The following GARNL3 variants were observed in gnomAD, a reference collection of about 807,000 sequenced individuals.
GARNL3 encodes GTPase activating Rap/RanGAP domain like 3.
GARNL3 carries 63 observed loss-of-function variants against 125.0 expected under a neutral mutation model. That is an observed-to-expected ratio of 0.50 (90% confidence interval 0.41 to 0.62). The LOEUF (loss-of-function observed/expected upper bound fraction) is 0.62, where lower values mean the gene tolerates loss of function less well. Ranked by LOEUF, GARNL3 falls within the 20% of genes least tolerant of loss-of-function variation. The probability of loss-of-function intolerance (pLI) is 0.00; values close to 1 mark genes in which losing one functional copy is unlikely to be tolerated. For synonymous variants in GARNL3, 439 were observed against 457.5 expected (o/e 0.96, Z 0.52); for missense variants, 994 against 1,244.0 (o/e 0.80, Z 3.02).
chr9:127,308,295 T>G (rs1404805983), intron 2 of GARNL3, among the ~76,000 whole-genome samples: 1 of 152,090 alleles, frequency 6.6e-6, no homozygotes, highest in African/African-American at 2.4e-5. Flanking sequence ...TGGGGAAATA[T>G]CAGACAAACC....
At chr9:127,383,014 C>A (rs758667958) in intron 22 of GARNL3, among the ~76,000 whole-genome samples, 2 of 152,194 alleles carry the variant, frequency 1.3e-5, no homozygotes, top group Non-Finnish European at 2.9e-5. Flanking sequence ...ATTCAGCACA[C>A]GGGCTCTGCA....
At chr9:127,310,484 A>G (rs1022185175) in intron 2 of GARNL3, among the ~76,000 whole-genome samples, 1 of 152,198 alleles carries the variant, frequency 6.6e-6, no homozygotes. Context: ...AAAAGCTTCA[A>G]TCTAAATGTT....
rs1247596078 is a variant in GARNL3, at chr9:127,384,789, G to A, written c.2270-238G>A. Among the ~76,000 whole-genome samples the A allele has an allele frequency of 6.6e-6, 1 of 152,216 alleles. No homozygotes were observed. Among genetic ancestry groups the A allele is most frequent in the Non-Finnish European group, 1.5e-5 (1 of 68,038 alleles). ...TTTCCATGGGGGAAAATGGCAGCAA[G>A]CATGGTGACAGTGCACACCTCCTGG... On this transcript the variant is annotated intron_variant, in intron 23 of 27. Coordinates refer to ENST00000373387, the MANE Select transcript of GARNL3 (RefSeq NM_032293.5). This position sits in a 1 kb window ranked among gnomAD's most constrained non-coding sequence, Gnocchi z 4.0.
rs762212383 is a variant in GARNL3 at position 127,365,378 on chromosome 9, A to T, written c.2161+12A>T. The T allele has an allele frequency of 3.8e-6, 6 of 1,596,248 alleles. No homozygotes were observed. The Admixed American group carries it at 1.0e-4, about 27-fold the overall frequency. On this transcript the variant is annotated intron_variant, in intron 22 of 27. Transcript: ENST00000373387. ...GTTGTGTTACAACTGTAAGTTAAGG[A>T]TGTGCTTTTATCTTTATTTGCTTAA...
At chr9:127,227,960 A>G in intron 1 of GARNL3, among the ~76,000 whole-genome samples, 1 of 152,206 alleles carries the variant, frequency 6.6e-6, no homozygotes, top group East Asian at 1.9e-4. Context: ...GTGAGAAGAA[A>G]TCTGAAAAAT....
At position 127,389,103 on chromosome 9, in the gene GARNL3, C is replaced by T. The variant is rs1356078153; in HGVS notation, c.2727C>T (p.Thr909=). ...RMEIKEIASR[T]RRELLGLSDE... ...AGATCAAAGAAATAGCAAGCAGGAC[C>T]CGCAGGGAACTACTGGGTAATGGTT... is the stretch of plus-strand genomic sequence containing the variant. Residue 909 remains threonine, a synonymous_variant, in exon 26 of 28, where the codon ACC becomes ACT. Coordinates refer to ENST00000373387, the MANE Select transcript of GARNL3 (RefSeq NM_032293.5). 1.9e-6 allele frequency: 3 copies of T among 1,613,166 alleles called. No individual in the cohort carries two copies. The highest frequency in any genetic ancestry group is 1.3e-5 in the African/African-American group (1 of 74,886).
intron 16 of GARNL3, among the ~76,000 whole-genome samples, chr9:127,345,784 C>T (rs1409032239): frequency 6.6e-6 from 1 of 152,244 alleles, no homozygotes; most frequent in Admixed American, 6.5e-5. Context: ...ACACCTTGAC[C>T]AAATGCGTGT....
At chr9:127,365,102 T>A (rs1831212505) in intron 21 of GARNL3, 198 bp from the exon 22 acceptor site, 3 of 514,420 alleles carry the variant, frequency 5.8e-6, no homozygotes, top group Non-Finnish European at 1.0e-5. Flanking sequence ...CTTTTTTTTC[T>A]TTTCTTTTCT....
upstream of GARNL3, among the ~76,000 whole-genome samples, chr9:127,262,722 C>G (rs1048131184): frequency 2.0e-5 from 3 of 152,216 alleles, no homozygotes; most frequent in Non-Finnish European, 4.4e-5. Flanking sequence ...GAGGTGCTGT[C>G]AGGCATTAGC....
chr9:127,279,679 T>C (rs2131326428), intron 1 of GARNL3, among the ~76,000 whole-genome samples: 1 of 152,344 alleles, frequency 6.6e-6, no homozygotes, highest in East Asian at 1.9e-4. Flanking sequence ...GGTTTCATAG[T>C]AAAGATGGTT....
At chr9:127,375,401 G>A (rs978727039) in intron 22 of GARNL3, among the ~76,000 whole-genome samples, 2 of 151,760 alleles carry the variant, frequency 1.3e-5, no homozygotes, top group African/African-American at 4.8e-5. Flanking sequence ...GGGAGGCAGA[G>A]GTTGCAGTGA....
upstream of GARNL3, among the ~76,000 whole-genome samples, chr9:127,263,167 G>T (rs968805539): frequency 6.6e-6 from 1 of 152,214 alleles, no homozygotes; most frequent in Non-Finnish European, 1.5e-5. Context: ...TCTAAGGAAG[G>T]TGGTGGGTCT....
intron 22 of GARNL3, among the ~76,000 whole-genome samples, chr9:127,367,969 A>G (rs1022284189): frequency 1.0e-5 from 1 of 98,368 alleles, no homozygotes; most frequent in Non-Finnish European, 2.3e-5. Flanking sequence ...TCATCAGAGT[A>G]TTTATTCAGA....
intron 2 of GARNL3, among the ~76,000 whole-genome samples, chr9:127,244,021 A>C (rs755647044): frequency 2.0e-4 from 30 of 152,248 alleles, no homozygotes; most frequent in Non-Finnish European, 4.3e-4. Context: ...TACTGTACCC[A>C]GTGCTTTTGT....
At chr9:127,264,507 CT>C (rs1314763988), upstream of GARNL3, 1 of 997,964 alleles carries the variant, frequency 1.0e-6, no homozygotes, top group Non-Finnish European at 1.2e-6. Context: ...TTAAATAATG[CT>C]GGTTATTTTT....
At chr9:127,268,077 A>G (rs1368918865) in intron 1 of GARNL3, among the ~76,000 whole-genome samples, 1 of 152,190 alleles carries the variant, frequency 6.6e-6, no homozygotes, top group African/African-American at 2.4e-5. Context: ...CTTTCAACAC[A>G]TATTTATTGA....
At chr9:127,372,623 C>T (rs1053054989) in intron 22 of GARNL3, among the ~76,000 whole-genome samples, 1 of 152,176 alleles carries the variant, frequency 6.6e-6, no homozygotes, top group African/African-American at 2.4e-5. Context: ...AATGTTGAGA[C>T]ACACTAAGGA....
At chr9:127,336,283 A>G (rs1829552446) in intron 11 of GARNL3, 47 bp downstream of exon 11, 3 of 1,347,348 alleles carry the variant, frequency 2.2e-6, no homozygotes, top group African/African-American at 1.4e-5. Context: ...GCTGTGGTTC[A>G]GCCTCACTGG....
intron 22 of GARNL3, among the ~76,000 whole-genome samples, chr9:127,368,830 G>T (rs776302793): frequency 5.9e-5 from 9 of 152,010 alleles, no homozygotes; most frequent in Non-Finnish European, 8.8e-5. Flanking sequence ...ATCTACTGGG[G>T]TGACTGAGGC....
Sources: gnomAD v4.1 joint callset for allele counts (sites outside exome capture counted in the v4.1 genomes callset) on GRCh38, gnomAD v4.1.1 for gene constraint, Gnocchi (gnomAD v3.1) non-coding constraint, MANE v1.5 for transcripts, NCBI Gene and HGNC (gene_info 2026-07-23, HGNC 2026-07-21) for gene names.